The following UBXN8 variants were observed in gnomAD, a reference collection of about 807,000 sequenced individuals.
UBXN8 encodes UBX domain-containing protein 8.
In UBXN8, 27 loss-of-function variants were observed where a neutral mutation model predicts 32.1. The ratio of observed to expected loss-of-function variants is 0.84; its 90% CI spans 0.62 to 1.16. The LOEUF is 1.16. Among genes scored for constraint, UBXN8 ranks in the 50% most tolerant of loss-of-function variants. The pLI, the probability that UBXN8 is intolerant of heterozygous loss-of-function variation, is 0.00. For synonymous variants in UBXN8, 109 were observed against 111.8 expected (o/e 0.98, Z 0.16); for missense variants, 306 against 311.4 (o/e 0.98, Z 0.13).
chr8:30,758,901 T>TTTTTTTTTTTG (rs1805747862), intron 5 of UBXN8, among the ~76,000 whole-genome samples: 3 of 130,136 alleles, frequency 2.3e-5, no homozygotes, highest in African/African-American at 9.0e-5. Context: ...TTTGTTTTTT[T>TTTTTTTTTTTG]TTTTTTTTTT....
chr8:30,741,959 G>A (rs953443309), upstream of UBXN8, among the ~76,000 whole-genome samples: 1 of 152,082 alleles, frequency 6.6e-6, no homozygotes, highest in African/African-American at 2.4e-5. Flanking sequence ...ATTCAATGGC[G>A]CCATCAACAG....
chr8:30,753,032 TAGAAGA>T lies in UBXN8; in HGVS notation c.217_222del (p.Glu73_Glu74del). ...AAAGCACTTTTATGTTTTGATGTCT[TAGAAGA>T]AGAAGAAAAGAATGAGAAAAGACAA... On this transcript the variant is annotated splice_acceptor_variant and coding_sequence_variant, in exon 3 of 8. Coordinates refer to ENST00000265616, the MANE Select transcript of UBXN8 (RefSeq NM_005671.4). LOFTEE classifies it high-confidence loss of function. The T allele has an allele frequency of 2.6e-6, 4 of 1,518,358 alleles. No individual in the cohort carries two copies. Among genetic ancestry groups the T allele is most frequent in the Non-Finnish European group, 3.5e-6 (4 of 1,135,456 alleles). 94.1% of individuals were successfully genotyped at this position (1,518,358 alleles called of 1,614,324 possible).
At chr8:30,753,612 C>G (rs1443536242) in intron 3 of UBXN8, among the ~76,000 whole-genome samples, 1 of 152,096 alleles carries the variant, frequency 6.6e-6, no homozygotes, top group Non-Finnish European at 1.5e-5. Flanking sequence ...TGTACAACTA[C>G]CACCTCTGTT....
rs1457213809 is a variant in UBXN8, at chr8:30,751,393, C to T, written c.89-3C>T. On this transcript the variant is annotated splice_region_variant and splice_polypyrimidine_tract_variant and intron_variant, in intron 1 of 7. Transcript: ENST00000265616. ...TTTAATTTTAGTTTTTTTCCTTTAT[C>T]AGGAATCAAGGATTTTCTTTTGCTT... 2 of 1,568,956 alleles carry T rather than the reference C, an allele frequency of 1.3e-6. No individual in the cohort carries two copies. The highest frequency in any genetic ancestry group is 1.7e-6 in the Non-Finnish European group (2 of 1,157,126).
rs1200024322 is a variant in UBXN8 at position 30,763,350 on chromosome 8, A to C, written c.645+3A>C. On this transcript the variant is annotated splice_donor_region_variant and intron_variant, in intron 7 of 7. Coordinates refer to ENST00000265616, the MANE Select transcript of UBXN8 (RefSeq NM_005671.4). ...TTTTGAAGTCCTACAGCTCACAGGT[A>C]AGTGAAGGAATTCACATTTTGAGAA... 1 of 1,613,306 alleles carries C rather than the reference A, an allele frequency of 6.2e-7. No individual in the cohort carries two copies. The highest frequency in any genetic ancestry group is 1.3e-5 in the African/African-American group (1 of 74,950).
At chr8:30,738,538 G>A (rs963956354) in intron 1 of UBXN8, among the ~76,000 whole-genome samples, 3 of 151,500 alleles carry the variant, frequency 2.0e-5, no homozygotes, top group African/African-American at 4.9e-5. Context: ...GCAGGCGCCT[G>A]TAGTCCCAGC....
At chr8:30,755,706 TG>T (rs1368167166) in intron 4 of UBXN8, among the ~76,000 whole-genome samples, 1 of 140,654 alleles carries the variant, frequency 7.1e-6, no homozygotes, top group Non-Finnish European at 1.5e-5. Context: ...TGCAGTGAGC[TG>T]TGACTGTACC....
chr8:30,766,748 C>A lies in UBXN8; in HGVS notation c.*354C>A, dbSNP rs1806020090. On this transcript the variant is annotated 3_prime_UTR_variant, in exon 8 of 8. Coordinates refer to ENST00000265616, the MANE Select transcript of UBXN8 (RefSeq NM_005671.4). ...CAATCCATCTTACCACACAATATTT[C>A]ATGATTCAAATTCTTCAAAGTCTTA... 1 of 155,108 alleles carries A rather than the reference C, an allele frequency of 6.4e-6. No homozygotes were observed. The highest frequency in any genetic ancestry group is 2.4e-5 in the African/African-American group (1 of 41,562). 9.6% of individuals were successfully genotyped at this position (155,108 alleles called of 1,614,324 possible). A position where few individuals can be genotyped will look rare whatever the true frequency, so the allele number is the denominator to read the frequency against.
intron 1 of UBXN8, among the ~76,000 whole-genome samples, chr8:30,737,671 G>C (rs542794984): frequency 1.3e-5 from 2 of 152,218 alleles, no homozygotes; most frequent in South Asian, 4.1e-4. Context: ...CTAAGCAACA[G>C]AGCGAGACCC....
intron 4 of UBXN8, among the ~76,000 whole-genome samples, 175 bp from the exon 5 acceptor site, chr8:30,756,590 G>A (rs16877352): frequency 0.026 from 3,986 of 152,142 alleles, 155 homozygotes; most frequent in African/African-American, 0.091. Context: ...CTCAAGCCTC[G>A]TGTTTTCCTG....
upstream of UBXN8, among the ~76,000 whole-genome samples, chr8:30,743,928 G>A (rs1805278067): frequency 6.6e-6 from 1 of 152,314 alleles, no homozygotes; most frequent in East Asian, 1.9e-4. Flanking sequence ...CTACCCTCCA[G>A]GGAGCCACCG....
chr8:30,739,131 T>A (rs1478426197), intron 1 of UBXN8, among the ~76,000 whole-genome samples: 2 of 149,924 alleles, frequency 1.3e-5, no homozygotes, highest in Non-Finnish European at 3.0e-5. Context: ...GTGGTGAGGG[T>A]AGAAAGTGAG....
chr8:30,739,833 A>C (rs777242118), upstream of UBXN8, among the ~76,000 whole-genome samples: 24 of 152,246 alleles, frequency 1.6e-4, no homozygotes, highest in Non-Finnish European at 2.6e-4. Context: ...AATTTACAGA[A>C]GTCCTAGAAG....
At chr8:30,731,707 G>C (rs12549439), upstream of UBXN8, among the ~76,000 whole-genome samples, 38,417 of 151,998 alleles carry the variant, frequency 0.25, 5,599 homozygotes, top group African/African-American at 0.4. Context: ...GGCAGTCAAC[G>C]AAGCCCCCGT....
intron 1 of UBXN8, among the ~76,000 whole-genome samples, chr8:30,734,751 G>A (rs916267246): frequency 2.0e-5 from 3 of 152,126 alleles, no homozygotes; most frequent in Admixed American, 6.5e-5. Flanking sequence ...CGAGACCAGC[G>A]TACGCAACAT....
rs374278209 is a variant in UBXN8 at position 30,754,731 on chromosome 8, C to G, written c.349C>G (p.Arg117Gly). 6 of 1,562,846 alleles carry G rather than the reference C, an allele frequency of 3.8e-6. No homozygotes were observed. Among genetic ancestry groups the G allele is most frequent in the Non-Finnish European group, 4.3e-6 (5 of 1,164,488 alleles). ...AATGAAATTGAGAAAACTGGAGGAG[C>G]GCTTTTATCAAATGACGGGTGAAGC... ...QEMKLRKLEE[R>G]FYQMTGEAWK... The change falls in exon 4 of 8, where the codon CGC becomes GGC. Residue 117 changes from arginine to glycine, a missense_variant. Physicochemically the swap from Arg to Gly is moderately radical, Grantham distance 125. Transcript: ENST00000265616.
upstream of UBXN8, among the ~76,000 whole-genome samples, chr8:30,739,390 A>T (rs1805146268): frequency 6.6e-6 from 1 of 151,394 alleles, no homozygotes; most frequent in Admixed American, 6.6e-5. Flanking sequence ...TAAAAATACA[A>T]AAAATTAGCC....
intron 1 of UBXN8, among the ~76,000 whole-genome samples, chr8:30,746,526 CTT>C (rs1186027523): frequency 1.2e-4 from 13 of 110,386 alleles, no homozygotes; most frequent in Non-Finnish European, 1.3e-4. Context: ...TTTTTTTTTT[CTT>C]TTTTTTTTTT....
Position 30,766,402 on chromosome 8 carries a change from G to A in UBXN8, c.*8G>A, listed in dbSNP as rs145711178. The stretch of plus-strand genomic sequence containing the variant: ...AAGGAGCAGACCAACTAGGAAAGAA[G>A]GGAGAGCTCCCTGTTTGCATGAAGT... On this transcript the variant is annotated 3_prime_UTR_variant, in exon 8 of 8. Transcript: ENST00000265616. 184 of 1,584,908 alleles carry A rather than the reference G, an allele frequency of 1.2e-4. 1 individual carries two copies. The African/African-American group carries it at 2.0e-3, about 17-fold the overall frequency.
Sources: allele counts gnomAD v4.1 joint callset (sites outside exome capture counted in the v4.1 genomes callset), GRCh38; gene constraint gnomAD v4.1.1; transcripts MANE v1.5; gene names NCBI Gene and HGNC (gene_info 2026-07-23, HGNC 2026-07-21).